The following EGF variants were observed in gnomAD, a reference collection of about 807,000 sequenced individuals.
EGF encodes pro-epidermal growth factor.
In EGF, 95 loss-of-function variants were observed where a neutral mutation model predicts 143.8. That is an observed-to-expected ratio of 0.66 (90% CI 0.56 to 0.78). The LOEUF is 0.78. Among genes scored for constraint, EGF ranks in the 30% least tolerant of loss-of-function variants. The pLI, the probability that EGF is intolerant of heterozygous loss-of-function variation, is 0.00. For synonymous variants in EGF, 510 were observed against 510.5 expected (o/e 1.00, Z 0.01); for missense variants, 1,320 against 1,470.9 (o/e 0.90, Z 1.68).
At chr4:109,990,262 C>T (rs916528761) in intron 18 of EGF, among the ~76,000 whole-genome samples, 1 of 152,092 alleles carries the variant, frequency 6.6e-6, no homozygotes, top group South Asian at 2.1e-4. Context: ...TCTTTGATTG[C>T]AAGGAAAACG....
At chr4:109,924,671 T>G (rs962180444) in intron 1 of EGF, among the ~76,000 whole-genome samples, 1 of 152,162 alleles carries the variant, frequency 6.6e-6, no homozygotes, top group African/African-American at 2.4e-5. Flanking sequence ...CTCAGACGCC[T>G]TCCTACAAAG....
chr4:109,936,630 G>GTTAA (rs1382256015), intron 1 of EGF, among the ~76,000 whole-genome samples: 1 of 152,164 alleles, frequency 6.6e-6, no homozygotes, highest in African/African-American at 2.4e-5. Context: ...TAATTGTTAT[G>GTTAA]TTAAGGTGTC....
Position 109,980,127 on chromosome 4 carries a change from T to C in EGF, c.2209T>C (p.Leu737=), listed in dbSNP as rs148000061. 2.5e-6 allele frequency: 4 copies of C among 1,609,934 alleles called. No homozygotes were observed. Among genetic ancestry groups the C allele is most frequent in the Admixed American group, 3.4e-5 (2 of 59,666 alleles). The change falls in exon 14 of 24, where the codon TTG becomes CTG. Residue 737 remains leucine (L), a synonymous_variant. Coordinates refer to ENST00000265171, the MANE Select transcript of EGF (RefSeq NM_001963.6). ...KPSSLVVVHP[L]AKPGADPCLY... The stretch of plus-strand genomic sequence containing the variant: ...CTCATCACTGGTTGTGGTTCATCCA[T>C]TGGCAAAACCAGGTACATACTGGAG...
chr4:109,992,993 A>T (rs565105215), intron 18 of EGF, among the ~76,000 whole-genome samples: 24 of 132,178 alleles, frequency 1.8e-4, no homozygotes, highest in South Asian at 4.2e-4. Context: ...ATACACCTAA[A>T]ATAAATGACG....
intron 11 of EGF, among the ~76,000 whole-genome samples, chr4:109,972,526 C>T (rs1442606704): frequency 6.6e-6 from 1 of 152,178 alleles, no homozygotes; most frequent in Non-Finnish European, 1.5e-5. Context: ...AATTTCTTCC[C>T]TCCCACCAAG....
chr4:109,926,960 C>A (rs539167614), intron 1 of EGF, among the ~76,000 whole-genome samples: 68 of 152,148 alleles, frequency 4.5e-4, no homozygotes, highest in Non-Finnish European at 8.1e-4. Flanking sequence ...CTTGTGTCTG[C>A]GCTTTTAAAA....
intron 2 of EGF, among the ~76,000 whole-genome samples, chr4:109,942,191 A>G (rs1406262096): frequency 2.6e-5 from 4 of 152,218 alleles, no homozygotes; most frequent in African/African-American, 9.7e-5. Flanking sequence ...ACATGGAAAA[A>G]CTTAAAATAG....
At chr4:110,008,345 TG>T in intron 23 of EGF, 115 bp downstream of exon 23, 1 of 1,294,312 alleles carries the variant, frequency 7.7e-7, no homozygotes, top group South Asian at 1.3e-5. Context: ...ATAACTAAAT[TG>T]TATAAGCTAT....
intron 5 of EGF, 177 bp from the exon 6 acceptor site, chr4:109,959,135 A>AGAAAAAAG: frequency 3.5e-6 from 3 of 867,340 alleles, no homozygotes; most frequent in Non-Finnish European, 5.2e-6. Flanking sequence ...ATACAATTGG[A>AGAAAAAAG]GAAAAAAGTG....
intron 2 of EGF, among the ~76,000 whole-genome samples, chr4:109,942,813 C>T (rs1371531086): frequency 6.6e-6 from 1 of 152,122 alleles, no homozygotes; most frequent in African/African-American, 2.4e-5. Context: ...AGAAATTCAT[C>T]GAGTTCATGT....
At chr4:109,920,096 A>G (rs1737507404) in intron 1 of EGF, among the ~76,000 whole-genome samples, 2 of 151,654 alleles carry the variant, frequency 1.3e-5, no homozygotes. Context: ...TTTAATCCAT[A>G]CAGAGTTAAA....
chr4:109,961,267 G>A (rs1411309588), intron 7 of EGF, among the ~76,000 whole-genome samples: 1 of 152,038 alleles, frequency 6.6e-6, no homozygotes, highest in Admixed American at 6.6e-5. Context: ...GAGGCAGAAG[G>A]ATCACTTGAA....
chr4:109,955,437 A>G (rs1472531443), intron 5 of EGF, among the ~76,000 whole-genome samples: 1 of 152,114 alleles, frequency 6.6e-6, no homozygotes, highest in East Asian at 1.9e-4. Flanking sequence ...ATAACCCTCA[A>G]TCCTCTGTGT....
rs1017817807 is a variant in EGF, at chr4:110,012,924, T to C, written c.*1469T>C. Among the ~76,000 whole-genome samples the C allele has an allele frequency of 1.3e-5, 2 of 152,220 alleles. No homozygotes were observed. The highest frequency in any genetic ancestry group is 2.9e-5 in the Non-Finnish European group (2 of 68,034). On this transcript the variant is annotated 3_prime_UTR_variant, in exon 24 of 24. Coordinates refer to ENST00000265171, the MANE Select transcript of EGF (RefSeq NM_001963.6). ...TTTCATTTCTCAACCCCTTGTACTT[T>C]GGTGATACCAGACATCAGAATAAAA...
intron 5 of EGF, among the ~76,000 whole-genome samples, chr4:109,946,574 TGAGCTCATCAC>T (rs1742902415): frequency 6.6e-6 from 1 of 152,212 alleles, no homozygotes; most frequent in Admixed American, 6.5e-5. Flanking sequence ...CACCTTTCAT[TGAGCTCATCAC>T]GAGGTGTAAC....
chr4:109,952,204 C>G (rs565439999), intron 5 of EGF, among the ~76,000 whole-genome samples: 7 of 152,294 alleles, frequency 4.6e-5, no homozygotes, highest in Admixed American at 1.3e-4. Flanking sequence ...GATTTTACAA[C>G]TACTTTATTG....
At position 110,013,502 on chromosome 4, in the gene EGF, T is replaced by C. The variant is rs1470642005; in HGVS notation, c.*2047T>C. On this transcript the variant is annotated 3_prime_UTR_variant, in exon 24 of 24. Coordinates refer to ENST00000265171, the MANE Select transcript of EGF (RefSeq NM_001963.6). ...GTGTTTTTTAATCACCAAGGCACCC[T>C]GCAGAGATATCTTCTTCTTGCAACT... Among the ~76,000 whole-genome samples the C allele has an allele frequency of 6.6e-6, 1 of 152,184 alleles. No individual in the cohort carries two copies. Among genetic ancestry groups the C allele is most frequent in the East Asian group, 1.9e-4 (1 of 5,180 alleles).
At chr4:109,972,971 C>A (rs1462182418) in intron 11 of EGF, among the ~76,000 whole-genome samples, 1 of 152,162 alleles carries the variant, frequency 6.6e-6, no homozygotes, top group Non-Finnish European at 1.5e-5. Flanking sequence ...CCCTCAAGAG[C>A]AAGGTGAGAG....
chr4:109,997,504 C>T (rs1023971748), intron 20 of EGF, among the ~76,000 whole-genome samples: 10 of 152,020 alleles, frequency 6.6e-5, no homozygotes, highest in Non-Finnish European at 1.3e-4. Context: ...CTCTGTCGCC[C>T]AGGCTGGAGT....
Sources: allele counts gnomAD v4.1 joint callset (sites outside exome capture counted in the v4.1 genomes callset), GRCh38; gene constraint gnomAD v4.1.1; transcripts MANE v1.5; gene names NCBI Gene and HGNC (gene_info 2026-07-23, HGNC 2026-07-21).